Variants in FOXO1 observed in about 807,000 individuals in gnomAD.
The protein encoded by FOXO1 is forkhead box O1, also known as forkhead box protein O1.
A neutral mutation model predicts 44.1 loss-of-function variants in FOXO1; 6 were observed. The ratio of observed to expected loss-of-function variants is 0.14; its 90% CI spans 0.07 to 0.27. FOXO1 has a LOEUF of 0.27. Ranked by LOEUF, FOXO1 falls within the 10% of genes least tolerant of loss-of-function variation. FOXO1 has a pLI of 1.00. For missense variants in FOXO1, 737 were observed against 888.8 expected (o/e 0.83, Z 2.17); for synonymous variants, 380 against 362.7 (o/e 1.05, Z -0.54).
At chr13:40,641,638 A>G (rs1200416709) in intron 1 of FOXO1, among the ~76,000 whole-genome samples, 5 of 152,086 alleles carry the variant, frequency 3.3e-5, no homozygotes, top group Non-Finnish European at 7.3e-5. Flanking sequence ...AAAGATAATT[A>G]TTCTCTTTGC....
chr13:40,615,753 C>T (rs1416043414), intron 1 of FOXO1, among the ~76,000 whole-genome samples: 1 of 152,046 alleles, frequency 6.6e-6, no homozygotes, highest in Admixed American at 6.5e-5. Context: ...AGGGATGGTG[C>T]CAAAGCCCCG....
chr13:40,660,647 CGGA>C (rs1878005213), intron 1 of FOXO1, among the ~76,000 whole-genome samples: 1 of 152,148 alleles, frequency 6.6e-6, no homozygotes. Flanking sequence ...CTTGTGTGTG[CGGA>C]GCATGAAATC....
At chr13:40,661,959 G>A (rs1287848653) in intron 1 of FOXO1, among the ~76,000 whole-genome samples, 1 of 151,832 alleles carries the variant, frequency 6.6e-6, no homozygotes, top group African/African-American at 2.4e-5. Flanking sequence ...AGATCACGAG[G>A]TCAGGAGTTC....
intron 1 of FOXO1, among the ~76,000 whole-genome samples, chr13:40,590,600 T>C (rs1875331190): frequency 1.3e-5 from 2 of 152,192 alleles, no homozygotes. Context: ...AGTTTAGTTT[T>C]CCATCTCCAC....
At chr13:40,648,971 T>C (rs1489439462) in intron 1 of FOXO1, among the ~76,000 whole-genome samples, 1 of 152,208 alleles carries the variant, frequency 6.6e-6, no homozygotes, top group African/African-American at 2.4e-5. Context: ...TGTGCAGGTC[T>C]GCGGGAAAGT....
intron 1 of FOXO1, among the ~76,000 whole-genome samples, chr13:40,595,027 T>C (rs1875524248): frequency 6.6e-6 from 1 of 152,208 alleles, no homozygotes; most frequent in Admixed American, 6.5e-5. Context: ...TTGATTTTTA[T>C]ACTTTTATGA....
At chr13:40,593,415 A>T (rs1351264549) in intron 1 of FOXO1, among the ~76,000 whole-genome samples, 1 of 152,124 alleles carries the variant, frequency 6.6e-6, no homozygotes, top group Admixed American at 6.5e-5. Flanking sequence ...CCACTGGAAA[A>T]CAGTTCACTT....
At chr13:40,644,782 A>C (rs986277575) in intron 1 of FOXO1, among the ~76,000 whole-genome samples, 5 of 152,202 alleles carry the variant, frequency 3.3e-5, no homozygotes, top group Non-Finnish European at 2.9e-5. Context: ...CCACCCTGAG[A>C]ATTTAACTCC....
At chr13:40,563,413 T>A (rs1874121839) in intron 1 of FOXO1, among the ~76,000 whole-genome samples, 11 of 152,186 alleles carry the variant, frequency 7.2e-5, no homozygotes, top group Admixed American at 7.2e-4. Context: ...CAAAACGCCC[T>A]CTGACTCTCT....
intron 1 of FOXO1, among the ~76,000 whole-genome samples, chr13:40,576,432 G>A (rs1874748387): frequency 1.3e-5 from 2 of 152,186 alleles, no homozygotes; most frequent in African/African-American, 4.8e-5. Context: ...TGGGAAAGCA[G>A]AAAGATATTT....
At chr13:40,623,482 G>T (rs1021535117) in intron 1 of FOXO1, among the ~76,000 whole-genome samples, 3 of 152,068 alleles carry the variant, frequency 2.0e-5, no homozygotes, top group African/African-American at 7.2e-5. Flanking sequence ...TAGAATGCTG[G>T]GTTTGAAAAT....
In FOXO1 at chr13:40,658,379, C is replaced by G. The variant is rs181203807; in HGVS notation, c.630+7204G>C. 2.4e-4 allele frequency among the ~76,000 whole-genome samples: 36 copies of G among 152,298 alleles called. No individual in the cohort carries two copies. In the East Asian group the frequency reaches 6.9e-3, roughly 29 times the overall value. On this transcript the variant is annotated intron_variant, in intron 1 of 2. Transcript: ENST00000379561. ...TCAAGAAGACACCAAGGTTTGAAAA[C>G]TAGGGAAAGAACTAACTAGACCATT...
chr13:40,654,585 T>C (rs759228189), intron 1 of FOXO1, among the ~76,000 whole-genome samples: 1 of 152,064 alleles, frequency 6.6e-6, no homozygotes, highest in African/African-American at 2.4e-5. Context: ...AAGATTTTCT[T>C]TTTAGGTCTC....
chr13:40,592,738 T>C (rs1288747325), intron 1 of FOXO1, among the ~76,000 whole-genome samples: 1 of 152,206 alleles, frequency 6.6e-6, no homozygotes, highest in African/African-American at 2.4e-5. Context: ...TCCCTCACTT[T>C]TTCCAGTTTC....
chr13:40,621,259 T>C, intron 1 of FOXO1: 2 of 798,084 alleles, frequency 2.5e-6, no homozygotes, highest in Admixed American at 2.0e-5. Context: ...GAATTTCATA[T>C]TCATTGTACT....
intron 1 of FOXO1, among the ~76,000 whole-genome samples, chr13:40,653,277 TTTC>T (rs1412757195): frequency 2.6e-5 from 4 of 152,140 alleles, no homozygotes; most frequent in Non-Finnish European, 5.9e-5. Flanking sequence ...TCTAAATGCA[TTTC>T]TTTTCAGGTA....
At position 40,560,141 on chromosome 13, in the gene FOXO1, T is replaced by C; in HGVS notation, c.1350A>G (p.Gly450=). The C allele has an allele frequency of 6.2e-7, 1 of 1,614,118 alleles. No individual in the cohort carries two copies. Among genetic ancestry groups the C allele is most frequent in the Non-Finnish European group, 8.5e-7 (1 of 1,180,010 alleles). The change falls in exon 2 of 3, where the codon GGA becomes GGG. Residue 450 remains glycine, a synonymous_variant. Coordinates refer to ENST00000379561, the MANE Select transcript of FOXO1 (RefSeq NM_002015.4). This position sits in a 1 kb window ranked among gnomAD's most constrained non-coding sequence, Gnocchi z 5.1. ...GCGCACAGTTATACTGACTCATACC[T>C]CCATAACTCGACTTATTGTCCTGAA... ...QTLQDNKSSY[G]GMSQYNCAPG... is the part of the protein sequence containing the mutation.
At chr13:40,583,325 A>G (rs1439629834) in intron 1 of FOXO1, among the ~76,000 whole-genome samples, 3 of 152,198 alleles carry the variant, frequency 2.0e-5, no homozygotes, top group Non-Finnish European at 2.9e-5. Context: ...ATGGTCCATG[A>G]GCATTGGCTT....
intron 1 of FOXO1, among the ~76,000 whole-genome samples, chr13:40,626,183 T>C (rs902310170): frequency 6.6e-5 from 10 of 152,166 alleles, no homozygotes; most frequent in Non-Finnish European, 7.4e-5. Flanking sequence ...TCTATTTAAA[T>C]AGAACAACAG....
Sources: allele counts gnomAD v4.1 joint callset (sites outside exome capture counted in the v4.1 genomes callset), GRCh38; gene constraint gnomAD v4.1.1; non-coding constraint Gnocchi (gnomAD v3.1); transcripts MANE v1.5; gene names NCBI Gene and HGNC (gene_info 2026-07-23, HGNC 2026-07-21).